Variants in SNX29 observed in about 807,000 individuals in gnomAD.
SNX29 encodes the protein sorting nexin-29.
A neutral mutation model predicts 102.1 loss-of-function variants in SNX29; 78 were observed. That is an observed-to-expected ratio of 0.76 (90% CI 0.64 to 0.92). SNX29 has a LOEUF of 0.92. Ranked by LOEUF, SNX29 falls within the 40% of genes least tolerant of loss-of-function variation. The pLI is 0.00. For missense variants in SNX29, 1,280 were observed against 1,061.7 expected (o/e 1.21, Z -2.86); for synonymous variants, 580 against 414.5 (o/e 1.40, Z -4.85).
rs531514664 is a variant in SNX29 at position 12,301,716 on chromosome 16, G to A, written c.1782+23680G>A. Among the ~76,000 whole-genome samples, 244 of 152,276 alleles carry A rather than the reference G, an allele frequency of 1.6e-3. 1 individual carries two copies. The highest frequency in any genetic ancestry group is 2.7e-3 in the Non-Finnish European group (184 of 68,014). On this transcript the variant is annotated intron_variant, in intron 15 of 20. Coordinates refer to ENST00000566228, the MANE Select transcript of SNX29 (RefSeq NM_032167.5). ...CTTGCTTCCCTTTGAATCCTGGCTCGGAGGATGGACTCTGCATGAGATAGG... is the reference window on the plus strand; with the variant it reads ...CTTGCTTCCCTTTGAATCCTGGCTCAGAGGATGGACTCTGCATGAGATAGG...
chr16:12,008,858 C>A (rs1292359331), intron 3 of SNX29, among the ~76,000 whole-genome samples: 1 of 151,806 alleles, frequency 6.6e-6, no homozygotes, highest in Non-Finnish European at 1.5e-5. Flanking sequence ...TCTCTTGACT[C>A]AGCCTCCCTA....
chr16:12,468,231 G>C lies in SNX29; in HGVS notation c.2038-9488G>C, dbSNP rs2087162055. 2.2e-5 allele frequency among the ~76,000 whole-genome samples: 3 copies of C among 136,048 alleles called. No individual in the cohort carries two copies. The Admixed American group carries it at 2.5e-4, about 11-fold the overall frequency. The allele number at this position is 136,048 out of a possible 152,430, so 89.3% of individuals were successfully genotyped here. A position where few individuals can be genotyped will look rare whatever the true frequency, so the allele number is the denominator to read the frequency against. ...TTACTGTTTCCCAGGCTGGAGTGCAGTGGTGTGATCTCAGCTCACTGTAAC... is the reference window on the plus strand; with the variant it reads ...TTACTGTTTCCCAGGCTGGAGTGCACTGGTGTGATCTCAGCTCACTGTAAC... On this transcript the variant is annotated intron_variant, in intron 18 of 20. Coordinates refer to ENST00000566228, the MANE Select transcript of SNX29 (RefSeq NM_032167.5).
chr16:12,083,198 C>G (rs1180323747), intron 11 of SNX29, among the ~76,000 whole-genome samples: 1 of 151,086 alleles, frequency 6.6e-6, no homozygotes, highest in South Asian at 2.1e-4. Context: ...CTCGGCTACT[C>G]GGGATGCAGA....
At chr16:12,199,763 A>G in intron 14 of SNX29, 80 bp downstream of exon 14, 4 of 1,168,742 alleles carry the variant, frequency 3.4e-6, no homozygotes, top group Non-Finnish European at 5.0e-6. Flanking sequence ...ATAGACACTC[A>G]ATGTGTGACG....
intron 18 of SNX29, among the ~76,000 whole-genome samples, chr16:12,407,321 T>C (rs1180244467): frequency 8.6e-6 from 1 of 116,610 alleles, no homozygotes; most frequent in Non-Finnish European, 1.9e-5. Flanking sequence ...TTAAGGTTAA[T>C]TAGATTGTTT....
At chr16:11,985,476 C>G (rs192339630) in intron 1 of SNX29, among the ~76,000 whole-genome samples, 13 of 152,260 alleles carry the variant, frequency 8.5e-5, no homozygotes, top group Non-Finnish European at 1.8e-4. Context: ...TAGCTGGATC[C>G]ACGTGTTAAA....
chr16:12,492,419 A>T (rs961861291), intron 19 of SNX29, among the ~76,000 whole-genome samples: 52 of 152,106 alleles, frequency 3.4e-4, no homozygotes, highest in Non-Finnish European at 5.7e-4. Flanking sequence ...CATTGTAGAT[A>T]CTGGATATTA....
chr16:12,159,785 G>T (rs1041616703), intron 13 of SNX29, among the ~76,000 whole-genome samples: 2 of 152,156 alleles, frequency 1.3e-5, no homozygotes, highest in Non-Finnish European at 2.9e-5. Context: ...TGGGTAGTGG[G>T]CTCAGTGGCC....
At chr16:12,165,671 C>T (rs1463336142) in intron 13 of SNX29, among the ~76,000 whole-genome samples, 1 of 152,364 alleles carries the variant, frequency 6.6e-6, no homozygotes, top group East Asian at 1.9e-4. Context: ...AGCAGTTCTT[C>T]TGCCTCAGCC....
chr16:12,555,700 C>G (rs893754889), intron 20 of SNX29, among the ~76,000 whole-genome samples: 1 of 152,040 alleles, frequency 6.6e-6, no homozygotes, highest in Non-Finnish European at 1.5e-5. Context: ...CGATACTCTA[C>G]GAGATTCTCC....
intron 14 of SNX29, among the ~76,000 whole-genome samples, chr16:12,238,376 A>ACCAC (rs2078001105): frequency 1.3e-5 from 2 of 148,636 alleles, no homozygotes; most frequent in South Asian, 4.3e-4. Flanking sequence ...GGATCGCTTG[A>ACCAC]CCACCCAGGC....
At position 12,521,906 on chromosome 16, in the gene SNX29, T is replaced by C. The variant is rs544692781; in HGVS notation, c.2179-2796T>C. ...GCCCGCCTCCTGCCAGGGTGTGAGA[T>C]GTTAGCCACCAGCTGGACTGATGGT... On this transcript the variant is annotated intron_variant, in intron 19 of 20. Transcript: ENST00000566228. Among the ~76,000 whole-genome samples, 24 of 152,314 alleles carry C rather than the reference T, an allele frequency of 1.6e-4. No homozygotes were observed. The East Asian group carries it at 2.9e-3, about 18-fold the overall frequency.
chr16:12,561,312 G>C (rs1285615354), intron 20 of SNX29, among the ~76,000 whole-genome samples: 1 of 152,132 alleles, frequency 6.6e-6, no homozygotes. Context: ...TTCACATCCT[G>C]GAGGCAGAAC....
At chr16:12,157,610 G>C (rs947734502) in intron 13 of SNX29, among the ~76,000 whole-genome samples, 8 of 152,156 alleles carry the variant, frequency 5.3e-5, no homozygotes, top group African/African-American at 1.9e-4. Context: ...ACGTGGTTAT[G>C]AAGCAGGCTT....
At chr16:12,281,799 G>C (rs1316344292) in intron 15 of SNX29, among the ~76,000 whole-genome samples, 2 of 152,072 alleles carry the variant, frequency 1.3e-5, no homozygotes, top group Non-Finnish European at 2.9e-5. Context: ...GGCTGGGCGT[G>C]GTGGCTCAAA....
chr16:12,518,177 C>G (rs1230812353), intron 19 of SNX29, among the ~76,000 whole-genome samples: 2 of 152,118 alleles, frequency 1.3e-5, no homozygotes, highest in African/African-American at 2.4e-5. Flanking sequence ...TGAGAGCTCT[C>G]TCTGCCTAAG....
intron 19 of SNX29, among the ~76,000 whole-genome samples, chr16:12,488,151 A>T (rs1046077319): frequency 6.6e-6 from 1 of 152,204 alleles, no homozygotes; most frequent in Non-Finnish European, 1.5e-5. Flanking sequence ...AAAAAAATTA[A>T]GGTCATTTAT....
At chr16:12,363,666 A>G (rs912452744) in intron 16 of SNX29, among the ~76,000 whole-genome samples, 3 of 152,216 alleles carry the variant, frequency 2.0e-5, no homozygotes, top group African/African-American at 7.2e-5. Flanking sequence ...CTTCATTTTC[A>G]TAGGGCAGAG....
At chr16:11,981,042 A>G (rs377552014) in intron 1 of SNX29, among the ~76,000 whole-genome samples, 1 of 150,520 alleles carries the variant, frequency 6.6e-6, no homozygotes, top group East Asian at 2.0e-4. Flanking sequence ...ATCTCGTCTC[A>G]CTGCAACCTC....
Sources: allele counts gnomAD v4.1 joint callset (sites outside exome capture counted in the v4.1 genomes callset), GRCh38; gene constraint gnomAD v4.1.1; transcripts MANE v1.5; gene names NCBI Gene and HGNC (gene_info 2026-07-23, HGNC 2026-07-21).